UHRF1: variants seen among roughly 807,000 people sequenced by gnomAD.
The protein encoded by UHRF1 is E3 ubiquitin-protein ligase UHRF1.
A neutral mutation model predicts 96.5 loss-of-function variants in UHRF1; 9 were observed. The observed-to-expected ratio is 0.09, with a 90% confidence interval of 0.06 to 0.16. The LOEUF (loss-of-function observed/expected upper bound fraction) is 0.16, where lower values mean the gene tolerates loss of function less well. Ranked by LOEUF, UHRF1 falls within the 10% of genes least tolerant of loss-of-function variation. UHRF1 has a pLI of 1.00. For missense variants in UHRF1, 626 were observed against 1,131.1 expected, an observed-to-expected ratio of 0.55 and a Z score of 6.40; for synonymous variants, 455 against 469.9, an observed-to-expected ratio of 0.97 and a Z score of 0.41.
Position 4,933,187 on chromosome 19 carries a change from C to A in UHRF1, c.785+231C>A, listed in dbSNP as rs570810487. Among the ~76,000 whole-genome samples, 5 of 152,308 alleles carry A rather than the reference C, an allele frequency of 3.3e-5. No homozygotes were observed. In the South Asian group the frequency reaches 1.0e-3, roughly 32 times the overall value. On this transcript the variant is annotated intron_variant, in intron 5 of 16. Transcript: ENST00000650932. ...CTCTGCCCAGGGAACTGTCTCTGAC[C>A]CCCAGGCCCTGACAGGCAGAGTTGT...
In UHRF1 at chr19:4,929,405, G is replaced by A; in HGVS notation, c.337G>A (p.Ala113Thr). The A allele has an allele frequency of 1.2e-6, 2 of 1,613,618 alleles. No individual in the cohort carries two copies. The highest frequency in any genetic ancestry group is 4.5e-5 in the East Asian group (2 of 44,886). Reference sequence around the variant, plus strand: ...AGACAAGTCCTCCACCCACGGTGAGGCGGCCGCCGAGACTGACAGCAGGCC... The same window carrying A: ...AGACAAGTCCTCCACCCACGGTGAGACGGCCGCCGAGACTGACAGCAGGCC... ...ESDKSSTHGE[A>T]AAETDSRPAD... Residue 113 changes from alanine to threonine, a missense_variant, in exon 3 of 17, where the codon GCG becomes ACG. Ala to Thr is a moderately conservative substitution (Grantham distance 58, BLOSUM62 0). Transcript: ENST00000650932.
At chr19:4,938,730 G>GGTTTTTTTTTTTTTT (rs1568421924) in intron 5 of UHRF1, among the ~76,000 whole-genome samples, 14 of 61,564 alleles carry the variant, frequency 2.3e-4, no homozygotes, top group Non-Finnish European at 3.2e-4. Context: ...TTTTGGTCAG[G>GGTTTTTTTTTTTTTT]TTTTTTTTTT....
chr19:4,960,045 G>T (rs188891276), intron 16 of UHRF1, among the ~76,000 whole-genome samples: 3 of 152,218 alleles, frequency 2.0e-5, no homozygotes, highest in African/African-American at 7.2e-5. Flanking sequence ...TAGAGACAGG[G>T]TTTCACCATG....
At chr19:4,924,210 C>G (rs375703242) in intron 2 of UHRF1, among the ~76,000 whole-genome samples, 1 of 152,162 alleles carries the variant, frequency 6.6e-6, no homozygotes, top group East Asian at 1.9e-4. Context: ...AGTGCAGTGG[C>G]GTGATCTCGG....
At chr19:4,950,227 T>C (rs1265356444) in intron 11 of UHRF1, among the ~76,000 whole-genome samples, 1 of 150,582 alleles carries the variant, frequency 6.6e-6, no homozygotes, top group Non-Finnish European at 1.5e-5. Context: ...ATTATACATA[T>C]ATAACTTTGA....
chr19:4,954,601 G>C lies in UHRF1; in HGVS notation c.1958-49G>C, dbSNP rs750349966. ...CGTGGGAGCCGGTGGCTGTCTCTCC[G>C]GCAGCTCGGGCCACGCGCCCCTCCC... On this transcript the variant is annotated intron_variant, in intron 14 of 16. Coordinates refer to ENST00000650932, the MANE Select transcript of UHRF1 (RefSeq NM_001048201.3). This position sits in a 1 kb window ranked among gnomAD's most constrained non-coding sequence, Gnocchi z 5.9. 1 of 1,597,488 alleles carries C rather than the reference G, an allele frequency of 6.3e-7. No individual in the cohort carries two copies. The highest frequency in any genetic ancestry group is 1.7e-5 in the Admixed American group (1 of 57,918).
At chr19:4,918,003 A>G (rs1398524475) in intron 2 of UHRF1, among the ~76,000 whole-genome samples, 1 of 152,112 alleles carries the variant, frequency 6.6e-6, no homozygotes, top group Non-Finnish European at 1.5e-5. Context: ...CCAAATGTCC[A>G]AAAAGCAAGG....
intron 2 of UHRF1, among the ~76,000 whole-genome samples, chr19:4,916,218 A>G (rs867206063): frequency 3.9e-5 from 6 of 151,926 alleles, no homozygotes; most frequent in Non-Finnish European, 7.4e-5. Context: ...AGGTGGGAAG[A>G]TCACTTGAGC....
intron 4 of UHRF1, among the ~76,000 whole-genome samples, chr19:4,931,968 T>C (rs2033066520): frequency 6.6e-6 from 1 of 152,020 alleles, no homozygotes; most frequent in Non-Finnish European, 1.5e-5. Context: ...GTTTCACTCT[T>C]GTTGCCCAGG....
chr19:4,943,601 C>T (rs1254150982), intron 7 of UHRF1, among the ~76,000 whole-genome samples: 2 of 151,634 alleles, frequency 1.3e-5, no homozygotes, highest in Admixed American at 6.6e-5. Flanking sequence ...TGCGTTCACT[C>T]TCACTGTTGC....
rs1028567808 is a variant in UHRF1, at chr19:4,930,644, C to G, written c.409-72C>G. The G allele has an allele frequency of 3.9e-6, 6 of 1,539,270 alleles. No homozygotes were observed. The highest frequency in any genetic ancestry group is 2.7e-5 in the African/African-American group (2 of 73,394). On this transcript the variant is annotated intron_variant, in intron 3 of 16. Transcript: ENST00000650932. This position sits in a 1 kb window ranked among gnomAD's most constrained non-coding sequence, Gnocchi z 4.4. ...CCTGGTTCCAGAGCATCCCAGTGTC[C>G]GAGAACCAAGGTGGTCTCCCGTCAG...
intron 2 of UHRF1, among the ~76,000 whole-genome samples, chr19:4,926,516 T>C (rs2032875706): frequency 6.6e-6 from 1 of 152,108 alleles, no homozygotes; most frequent in African/African-American, 2.4e-5. Flanking sequence ...GGTGTGTACA[T>C]ATTCAAACGG....
chr19:4,961,750 C>T lies in UHRF1; in HGVS notation c.*947C>T, dbSNP rs2033990608. Reference sequence around the variant, plus strand: ...TTTACATTCAATTTTTTTAACTCAGCAAGTGAGAACTTACAAGAGGGTTTT... The same window carrying T: ...TTTACATTCAATTTTTTTAACTCAGTAAGTGAGAACTTACAAGAGGGTTTT... On this transcript the variant is annotated 3_prime_UTR_variant, in exon 17 of 17. Coordinates refer to ENST00000650932, the MANE Select transcript of UHRF1 (RefSeq NM_001048201.3). The T allele has an allele frequency of 6.6e-6, 1 of 151,736 alleles. No individual in the cohort carries two copies. The highest frequency in any genetic ancestry group is 2.1e-4 in the South Asian group (1 of 4,804). The allele number at this position is 151,736 out of a possible 1,614,324, so 9.4% of individuals were successfully genotyped here.
chr19:4,921,682 A>G (rs1309206118), intron 2 of UHRF1, among the ~76,000 whole-genome samples: 1 of 149,966 alleles, frequency 6.7e-6, no homozygotes, highest in South Asian at 2.1e-4. Context: ...GCTTGAGCCC[A>G]GGAGGTCGAG....
At chr19:4,927,177 C>T (rs376356821) in intron 2 of UHRF1, among the ~76,000 whole-genome samples, 6 of 151,992 alleles carry the variant, frequency 3.9e-5, no homozygotes, top group African/African-American at 1.2e-4. Context: ...CGTAGGAGTT[C>T]AAAACCAGCC....
intron 11 of UHRF1, among the ~76,000 whole-genome samples, chr19:4,949,780 A>C (rs1343366059): frequency 1.3e-5 from 2 of 151,990 alleles, no homozygotes; most frequent in African/African-American, 4.8e-5. Flanking sequence ...GCAGTGAGTA[A>C]GGCGTGATCA....
At chr19:4,914,495 G>A (rs560012711) in intron 2 of UHRF1, among the ~76,000 whole-genome samples, 19 of 152,176 alleles carry the variant, frequency 1.2e-4, no homozygotes, top group Middle Eastern at 3.4e-3. Context: ...GGTCTGTCTC[G>A]GAATATGGAG....
chr19:4,921,114 C>T (rs1343861587), intron 2 of UHRF1, among the ~76,000 whole-genome samples: 2 of 146,390 alleles, frequency 1.4e-5, no homozygotes, highest in East Asian at 4.1e-4. Flanking sequence ...CAGAGGGAGA[C>T]TCCGTCTCAA....
chr19:4,928,290 CTTG>C (rs1429191465), intron 2 of UHRF1, among the ~76,000 whole-genome samples: 2 of 151,490 alleles, frequency 1.3e-5, no homozygotes, highest in East Asian at 3.9e-4. Context: ...GGGAGAGGAA[CTTG>C]TTGCCTTGGG....
Sources: gnomAD v4.1 joint callset for allele counts (sites outside exome capture counted in the v4.1 genomes callset) on GRCh38, gnomAD v4.1.1 for gene constraint, Gnocchi (gnomAD v3.1) non-coding constraint, MANE v1.5 for transcripts, NCBI Gene and HGNC (gene_info 2026-07-23, HGNC 2026-07-21) for gene names.